The following EIF4EBP2 variants were observed in gnomAD, a reference collection of about 807,000 sequenced individuals.
EIF4EBP2 encodes the protein eukaryotic translation initiation factor 4E-binding protein 2.
In EIF4EBP2, 5 loss-of-function variants were observed where a neutral mutation model predicts 10.3. The ratio of observed to expected loss-of-function variants is 0.48; its 90% CI spans 0.25 to 1.02. EIF4EBP2 has a LOEUF of 1.02. Among genes scored for constraint, EIF4EBP2 ranks in the 50% least tolerant of loss-of-function variants. The probability of loss-of-function intolerance (pLI) is 0.15; values close to 1 mark genes in which losing one functional copy is unlikely to be tolerated. For synonymous variants in EIF4EBP2, 67 were observed against 61.1 expected, an observed-to-expected ratio of 1.10 and a Z score of -0.45; for missense variants, 188 against 162.2, an observed-to-expected ratio of 1.16 and a Z score of -0.86.
intron 1 of EIF4EBP2, among the ~76,000 whole-genome samples, chr10:70,408,607 A>C (rs1845008878): frequency 6.6e-6 from 1 of 152,002 alleles, no homozygotes; most frequent in Non-Finnish European, 1.5e-5. Context: ...ATGTAATTTT[A>C]TTTCCCTCAA....
intron 2 of EIF4EBP2, 73 bp downstream of exon 2, chr10:70,420,172 G>A (rs1197056518): frequency 4.4e-5 from 62 of 1,420,370 alleles, no homozygotes; most frequent in Non-Finnish European, 4.6e-5. Flanking sequence ...TGTAGGTTGA[G>A]AAGCTATTGA....
At position 70,404,418 on chromosome 10, in the gene EIF4EBP2, G is replaced by C. The variant is rs199798164; in HGVS notation, c.17G>C (p.Gly6Ala). Reference protein sequence around the residue: MSSSAGSGHQPSQSRA... With the variant: MSSSAASGHQPSQSRA... ...CCCACAGCCATGTCCTCGTCAGCCGGCAGCGGCCACCAGCCCAGCCAGAGC... is the reference window on the plus strand; with the variant it reads ...CCCACAGCCATGTCCTCGTCAGCCGCCAGCGGCCACCAGCCCAGCCAGAGC... The change falls in exon 1 of 3, where the codon GGC (glycine) becomes GCC (alanine). Residue 6 changes from glycine to alanine, a missense_variant. Gly to Ala is a moderately conservative substitution (Grantham distance 60). Transcript: ENST00000373218. The C allele has an allele frequency of 6.3e-7, 1 of 1,588,238 alleles. No individual in the cohort carries two copies.
Position 70,422,405 on chromosome 10 carries a change from GA to G in EIF4EBP2, c.*660del, listed in dbSNP as rs1845167623. On this transcript the variant is annotated 3_prime_UTR_variant, in exon 3 of 3. Coordinates refer to ENST00000373218, the MANE Select transcript of EIF4EBP2 (RefSeq NM_004096.5). ...CCACTTCCTTTCTTTCCTCTGGGAG[GA>G]ATGTCTTCTGTCTTTGGTATTATAG... The G allele has an allele frequency of 6.6e-6, 1 of 152,234 alleles. No individual in the cohort carries two copies. The highest frequency in any genetic ancestry group is 1.5e-5 in the Non-Finnish European group (1 of 68,072). 9.4% of individuals were successfully genotyped at this position (152,234 alleles called of 1,614,324 possible).
intron 1 of EIF4EBP2, among the ~76,000 whole-genome samples, chr10:70,406,606 TA>T (rs1844966301): frequency 6.6e-6 from 1 of 152,198 alleles, no homozygotes; most frequent in South Asian, 2.1e-4. Flanking sequence ...ACCATACTTT[TA>T]AAAATAAGGG....
chr10:70,404,653 A>C (rs1159976653), intron 1 of EIF4EBP2, 107 bp downstream of exon 1: 1 of 1,346,278 alleles, frequency 7.4e-7, no homozygotes, highest in African/African-American at 1.5e-5. Context: ...GCTCCACCGA[A>C]GCCCCGGGGA....
intron 1 of EIF4EBP2, among the ~76,000 whole-genome samples, chr10:70,408,420 A>G (rs1278371937): frequency 6.6e-6 from 1 of 152,214 alleles, no homozygotes; most frequent in Non-Finnish European, 1.5e-5. Flanking sequence ...GGCTGTAATC[A>G]GTGGATTTTT....
intron 1 of EIF4EBP2, among the ~76,000 whole-genome samples, chr10:70,408,248 G>C: frequency 6.6e-6 from 1 of 150,592 alleles, no homozygotes; most frequent in East Asian, 2.0e-4. Flanking sequence ...GGCTGGCCGG[G>C]CACAGGGTCT....
Position 70,405,253 on chromosome 10 carries a change from T to C in EIF4EBP2, c.145+707T>C, listed in dbSNP as rs140066769. Among the ~76,000 whole-genome samples, 1,072 of 152,284 alleles carry C rather than the reference T, an allele frequency of 7.0e-3. 24 individuals carry two copies. Among genetic ancestry groups the C allele is most frequent in the Admixed American group, 0.043 (655 of 15,302 alleles). On this transcript the variant is annotated intron_variant, in intron 1 of 2. Transcript: ENST00000373218. ...CTTTCGGCAGCGACGCCTTTGGAAA[T>C]GGATTGAAGGACCTTTGTCAAGGAC...
In EIF4EBP2 at chr10:70,426,926, T is replaced by A. The variant is rs149447377; in HGVS notation, c.*5179T>A. The A allele has an allele frequency of 5.2e-4, 79 of 152,466 alleles. No homozygotes were observed. Among genetic ancestry groups the A allele is most frequent in the African/African-American group, 1.8e-3 (76 of 41,580 alleles). 9.4% of individuals were successfully genotyped at this position (152,466 alleles called of 1,614,324 possible). On this transcript the variant is annotated 3_prime_UTR_variant, in exon 3 of 3. Transcript: ENST00000373218. ...TGGGTTTCACTGCCGGAGTCCATCA[T>A]TTAGCCAGTATACATAGAGGAACTG...
chr10:70,415,279 T>C (rs1011510112), intron 1 of EIF4EBP2, among the ~76,000 whole-genome samples: 4 of 152,160 alleles, frequency 2.6e-5, no homozygotes, highest in African/African-American at 9.6e-5. Context: ...TACAAAACAT[T>C]GTTGAAAGAA....
intron 1 of EIF4EBP2, among the ~76,000 whole-genome samples, chr10:70,407,316 C>CT (rs1368877161): frequency 6.6e-6 from 1 of 152,068 alleles, no homozygotes; most frequent in Non-Finnish European, 1.5e-5. Flanking sequence ...GGTGATGACT[C>CT]TTAACGAGCA....
chr10:70,408,232 C>T (rs1381331826), intron 1 of EIF4EBP2, among the ~76,000 whole-genome samples: 4 of 148,764 alleles, frequency 2.7e-5, no homozygotes, highest in African/African-American at 4.9e-5. Context: ...CCTTCCTGGA[C>T]GGGGCGGCTG....
chr10:70,407,734 C>T (rs1844990413), intron 1 of EIF4EBP2, among the ~76,000 whole-genome samples: 1 of 136,994 alleles, frequency 7.3e-6, no homozygotes, highest in African/African-American at 2.7e-5. Flanking sequence ...GGGCTGACCC[C>T]CCCCCCACCT....
At chr10:70,412,196 G>A (rs548674255) in intron 1 of EIF4EBP2, among the ~76,000 whole-genome samples, 2 of 152,126 alleles carry the variant, frequency 1.3e-5, no homozygotes, top group African/African-American at 2.4e-5. Context: ...CAGGAGGAAA[G>A]CCCTGTTTGA....
At chr10:70,421,320 A>T (rs1589148889) in intron 2 of EIF4EBP2, among the ~76,000 whole-genome samples, 1 of 152,330 alleles carries the variant, frequency 6.6e-6, no homozygotes, top group East Asian at 1.9e-4. Context: ...GGGGGCCAGC[A>T]TTCCGCTTTG....
chr10:70,419,516 G>A (rs1845132858), intron 1 of EIF4EBP2, among the ~76,000 whole-genome samples: 1 of 151,822 alleles, frequency 6.6e-6, no homozygotes, highest in East Asian at 1.9e-4. Context: ...TTAGGGCCTA[G>A]GTCACATATA....
chr10:70,409,066 T>TAA (rs1564660566), intron 1 of EIF4EBP2, among the ~76,000 whole-genome samples: 1 of 152,138 alleles, frequency 6.6e-6, no homozygotes, highest in Non-Finnish European at 1.5e-5. Flanking sequence ...ATAGCAAACT[T>TAA]AGAGTTTCTC....
rs565886011 is a variant in EIF4EBP2, at chr10:70,404,307, G to T, written c.-95G>T. ...AGGAAGCGAGCGAGGAGCGCGCAGA[G>T]CGCGCTTTTCCGTCCGCCTGAGGAG... is the stretch of plus-strand genomic sequence containing the variant. On this transcript the variant is annotated 5_prime_UTR_variant, in exon 1 of 3. Coordinates refer to ENST00000373218, the MANE Select transcript of EIF4EBP2 (RefSeq NM_004096.5). 2,299 of 1,403,890 alleles carry T rather than the reference G, an allele frequency of 1.6e-3. 36 individuals are homozygous for T. The African/African-American group carries it at 0.03, about 18-fold the overall frequency. 87.0% of individuals were successfully genotyped at this position (1,403,890 alleles called of 1,614,324 possible). A position where few individuals can be genotyped will look rare whatever the true frequency, so the allele number is the denominator to read the frequency against.
intron 2 of EIF4EBP2, among the ~76,000 whole-genome samples, chr10:70,421,251 G>A (rs754416874): frequency 4.6e-5 from 7 of 152,152 alleles, no homozygotes; most frequent in African/African-American, 1.4e-4. Context: ...AGAATGGTGC[G>A]GTAGGAGTGG....
Sources: gnomAD v4.1 joint callset for allele counts (sites outside exome capture counted in the v4.1 genomes callset) on GRCh38, gnomAD v4.1.1 for gene constraint, MANE v1.5 for transcripts, NCBI Gene and HGNC (gene_info 2026-07-23, HGNC 2026-07-21) for gene names.